Variants in BICC1 observed in about 807,000 individuals in gnomAD.
BICC1 encodes the protein protein bicaudal C homolog 1.
In BICC1, 43 loss-of-function variants were observed where a neutral mutation model predicts 111.0. The observed-to-expected ratio is 0.39, with a 90% CI of 0.30 to 0.50. BICC1 has a LOEUF of 0.50. Among genes scored for constraint, BICC1 ranks in the 20% least tolerant of loss-of-function variants. The probability of loss-of-function intolerance (pLI) is 0.88; values close to 1 mark genes in which losing one functional copy is unlikely to be tolerated. For synonymous variants in BICC1, 467 were observed against 434.4 expected, an observed-to-expected ratio of 1.07 and a Z score of -0.93; for missense variants, 1,091 against 1,203.2, an observed-to-expected ratio of 0.91 and a Z score of 1.38.
intron 3 of BICC1, among the ~76,000 whole-genome samples, chr10:58,755,686 A>ATT (rs921873059): frequency 6.8e-6 from 1 of 147,326 alleles, no homozygotes; most frequent in African/African-American, 2.5e-5. Flanking sequence ...TCTCCTTTTT[A>ATT]TTTTTTTTTT....
intron 1 of BICC1, among the ~76,000 whole-genome samples, chr10:58,548,799 T>C (rs953401444): frequency 6.6e-6 from 1 of 152,112 alleles, no homozygotes; most frequent in African/African-American, 2.4e-5. Context: ...TTGTTGTGTT[T>C]TTGGGGAGGG....
intron 3 of BICC1, among the ~76,000 whole-genome samples, chr10:58,726,512 G>A (rs954352174): frequency 6.6e-6 from 1 of 152,170 alleles, no homozygotes; most frequent in Non-Finnish European, 1.5e-5. Context: ...AGTGCTTAGA[G>A]CTTCTAGAAT....
intron 15 of BICC1, 135 bp downstream of exon 15, chr10:58,803,377 A>G: frequency 2.8e-6 from 2 of 710,628 alleles, no homozygotes; most frequent in South Asian, 7.6e-5. Context: ...AAATTTAAAT[A>G]TATATGTAGC....
At chr10:58,603,138 A>G (rs541198828) in intron 1 of BICC1, among the ~76,000 whole-genome samples, 2 of 152,310 alleles carry the variant, frequency 1.3e-5, no homozygotes, top group South Asian at 4.1e-4. Flanking sequence ...TTAGGTCATA[A>G]TGAGTTGTGC....
At chr10:58,771,725 A>G (rs1024411392) in intron 3 of BICC1, among the ~76,000 whole-genome samples, 2 of 152,112 alleles carry the variant, frequency 1.3e-5, no homozygotes, top group African/African-American at 4.8e-5. Context: ...TGTGAATTTT[A>G]TGAAGGGAAA....
chr10:58,812,439 C>T lies in BICC1; in HGVS notation c.2377-1391C>T, dbSNP rs187517228. ...TATCGGACAGGAAAATGGCAGTGTC[C>T]GACTGGCACCTCTGTGATTCTAAAT... On this transcript the variant is annotated intron_variant, in intron 17 of 20. Coordinates refer to ENST00000373886, the MANE Select transcript of BICC1 (RefSeq NM_001080512.3). 2.9e-3 allele frequency among the ~76,000 whole-genome samples: 442 copies of T among 151,664 alleles called. 2 individuals carry two copies. Among genetic ancestry groups the T allele is most frequent in the Non-Finnish European group, 4.8e-3 (325 of 67,952 alleles).
intron 3 of BICC1, among the ~76,000 whole-genome samples, chr10:58,711,349 A>C (rs1053499671): frequency 7.2e-5 from 11 of 152,192 alleles, no homozygotes; most frequent in African/African-American, 2.4e-4. Context: ...CAGTTCTTGA[A>C]GATCCCAGTA....
chr10:58,692,889 T>A (rs1285314813), intron 2 of BICC1, among the ~76,000 whole-genome samples: 4 of 152,136 alleles, frequency 2.6e-5, no homozygotes, highest in East Asian at 1.9e-4. Flanking sequence ...ACTTTAAGTT[T>A]TAGGGTACAT....
At chr10:58,738,999 T>C (rs1189587803) in intron 3 of BICC1, among the ~76,000 whole-genome samples, 1 of 151,726 alleles carries the variant, frequency 6.6e-6, no homozygotes, top group Admixed American at 6.6e-5. Context: ...GACAGTGGGG[T>C]TTTCTAGATA....
intron 3 of BICC1, among the ~76,000 whole-genome samples, chr10:58,756,879 G>A (rs1246760139): frequency 2.0e-5 from 3 of 152,118 alleles, no homozygotes; most frequent in Non-Finnish European, 2.9e-5. Context: ...CAGGGACTTC[G>A]TAGATTTAGA....
intron 1 of BICC1, among the ~76,000 whole-genome samples, chr10:58,579,166 A>G (rs1027547844): frequency 1.3e-5 from 2 of 152,108 alleles, no homozygotes; most frequent in Non-Finnish European, 2.9e-5. Context: ...TGTTGAGCTC[A>G]CAGCTGCAAC....
intron 3 of BICC1, among the ~76,000 whole-genome samples, chr10:58,734,168 C>G (rs1159970601): frequency 1.3e-5 from 2 of 152,166 alleles, no homozygotes; most frequent in Non-Finnish European, 2.9e-5. Flanking sequence ...ATTATCTTCA[C>G]CTAGTGGAGG....
intron 1 of BICC1, among the ~76,000 whole-genome samples, chr10:58,602,077 G>C (rs1177736744): frequency 6.6e-6 from 1 of 152,060 alleles, no homozygotes; most frequent in Non-Finnish European, 1.5e-5. Context: ...AATAAATGAG[G>C]CCTGAAACAT....
intron 3 of BICC1, among the ~76,000 whole-genome samples, chr10:58,765,937 ACT>A (rs1486949607): frequency 1.3e-5 from 2 of 152,090 alleles, no homozygotes; most frequent in African/African-American, 4.8e-5. Flanking sequence ...GAATCCAAAT[ACT>A]CTCTCTTTTC....
At chr10:58,617,306 TAGCA>T (rs1490863987) in intron 1 of BICC1, among the ~76,000 whole-genome samples, 1 of 152,200 alleles carries the variant, frequency 6.6e-6, no homozygotes, top group Non-Finnish European at 1.5e-5. Flanking sequence ...ACATCCACTT[TAGCA>T]AAGTGTGGTG....
At chr10:58,543,421 C>T (rs1317730294) in intron 1 of BICC1, among the ~76,000 whole-genome samples, 1 of 152,088 alleles carries the variant, frequency 6.6e-6, no homozygotes, top group African/African-American at 2.4e-5. Flanking sequence ...TAAGGAAGTT[C>T]TGTGTTTCTT....
At chr10:58,557,659 C>CT (rs1010738849) in intron 1 of BICC1, among the ~76,000 whole-genome samples, 18 of 151,946 alleles carry the variant, frequency 1.2e-4, no homozygotes, top group Non-Finnish European at 1.9e-4. Context: ...ACTTTCAGTG[C>CT]TTTTTTACCC....
At chr10:58,738,607 T>C (rs1841552433) in intron 3 of BICC1, among the ~76,000 whole-genome samples, 1 of 147,420 alleles carries the variant, frequency 6.8e-6, no homozygotes, top group Non-Finnish European at 1.5e-5. Flanking sequence ...TAAAGTAGTT[T>C]TTTCCAATTC....
intron 2 of BICC1, among the ~76,000 whole-genome samples, chr10:58,649,450 A>G (rs935488227): frequency 6.6e-6 from 1 of 152,156 alleles, no homozygotes; most frequent in Non-Finnish European, 1.5e-5. Context: ...AGAGACCATC[A>G]GATATTCTGC....
Sources: allele counts gnomAD v4.1 joint callset (sites outside exome capture counted in the v4.1 genomes callset), GRCh38; gene constraint gnomAD v4.1.1; transcripts MANE v1.5; gene names NCBI Gene and HGNC (gene_info 2026-07-23, HGNC 2026-07-21).